JAK3: variants seen among roughly 807,000 people sequenced by gnomAD.
JAK3 encodes the protein tyrosine-protein kinase JAK3.
JAK3 carries 88 observed loss-of-function variants against 120.8 expected under a neutral mutation model. The observed-to-expected ratio is 0.73, with a 90% confidence interval of 0.61 to 0.87. JAK3 has a LOEUF of 0.87. Ranked by LOEUF, JAK3 falls within the 40% of genes least tolerant of loss-of-function variation. JAK3 has a pLI of 0.00. For missense variants in JAK3, 1,254 were observed against 1,501.4 expected, an observed-to-expected ratio of 0.84 and a Z score of 2.72; for synonymous variants, 592 against 628.6, an observed-to-expected ratio of 0.94 and a Z score of 0.87.
chr19:17,841,384 C>CT lies in JAK3; in HGVS notation c.1142+4dup. ...AGAGGCCGGGAATGGGGGACAGGTC[C>CT]TTACGTGATGGGGCCGTGGCACTGC... On this transcript the variant is annotated splice_donor_region_variant and intron_variant, in intron 8 of 23. Transcript: ENST00000458235. The surrounding 1 kb of genome is among the most constrained non-coding windows in gnomAD (Gnocchi z 4.1). 1 of 1,547,744 alleles carries CT rather than the reference C, an allele frequency of 6.5e-7. No individual in the cohort carries two copies. The highest frequency in any genetic ancestry group is 1.2e-5 in the South Asian group (1 of 84,242).
Position 17,831,622 on chromosome 19 carries a change from G to A in JAK3, c.2805+52C>T. ...CACCGCGACCTCCAAGCAGACCCCT[G>A]CCCAGGCCGTGCCAGCTGAATCCCC... On this transcript the variant is annotated intron_variant, in intron 20 of 23. Coordinates refer to ENST00000458235, the MANE Select transcript of JAK3 (RefSeq NM_000215.4). The surrounding 1 kb of genome is among the most constrained non-coding windows in gnomAD (Gnocchi z 5.1). 1.3e-6 allele frequency: 2 copies of A among 1,580,388 alleles called. No individual in the cohort carries two copies. The highest frequency in any genetic ancestry group is 8.6e-7 in the Non-Finnish European group (1 of 1,165,590).
chr19:17,839,520 C>T lies in JAK3; in HGVS notation c.1398G>A (p.Gly466=), dbSNP rs1305387420. The change falls in exon 10 of 24, where the codon GGG becomes GGA. Residue 466 remains glycine, a synonymous_variant. Coordinates refer to ENST00000458235, the MANE Select transcript of JAK3 (RefSeq NM_000215.4). ...AGCAGGAAGTGAGGGTCACTGCCAC[C>T]CCATCTACGTGCAGCCCCCCATCCC... ...TCWDGGLHVD[G]VAVTLTSCCI... is the part of the protein sequence containing the mutation. 6.3e-7 allele frequency: 1 copy of T among 1,599,522 alleles called. No individual in the cohort carries two copies. Among genetic ancestry groups the T allele is most frequent in the Non-Finnish European group, 8.5e-7 (1 of 1,173,120 alleles).
At chr19:17,833,645 G>A (rs553622526) in intron 17 of JAK3, among the ~76,000 whole-genome samples, 5 of 151,438 alleles carry the variant, frequency 3.3e-5, no homozygotes, top group Non-Finnish European at 5.9e-5. Context: ...GAGACCAGGA[G>A]TTCAAGACTA....
chr19:17,833,759 G>A (rs1029741050), intron 17 of JAK3, among the ~76,000 whole-genome samples: 5 of 151,962 alleles, frequency 3.3e-5, no homozygotes, highest in Admixed American at 2.0e-4. Context: ...AGTCTGAGGC[G>A]GGAGAATTGC....
intron 23 of JAK3, chr19:17,829,772 A>AAAG: frequency 3.8e-6 from 1 of 266,220 alleles, no homozygotes. Context: ...AGAAAGAAAG[A>AAAG]AAAAAAAAAA....
At chr19:17,833,348 C>A (rs760556691) in intron 17 of JAK3, among the ~76,000 whole-genome samples, 1 of 152,118 alleles carries the variant, frequency 6.6e-6, no homozygotes, top group Non-Finnish European at 1.5e-5. Context: ...GGGGACCCAA[C>A]GCCTGAGGTG....
intron 10 of JAK3, 117 bp from the exon 11 acceptor site, chr19:17,838,507 C>T: frequency 2.7e-6 from 3 of 1,093,168 alleles, no homozygotes; most frequent in Non-Finnish European, 4.2e-6. Flanking sequence ...GAGATGAAGA[C>T]TTCAGGGCAC....
rs1395901148 is a variant in JAK3, at chr19:17,838,518, A to C, written c.1442-128T>G. 5.9e-6 allele frequency: 6 copies of C among 1,009,020 alleles called. No homozygotes were observed. In the Admixed American group the frequency reaches 1.2e-4, roughly 20 times the overall value. The allele number at this position is 1,009,020 out of a possible 1,614,324, so 62.5% of individuals were successfully genotyped here. A position where few individuals can be genotyped will look rare whatever the true frequency, so the allele number is the denominator to read the frequency against. ...CCCTGAGATGAAGACTTCAGGGCAC[A>C]TGGCTTTTTGTTGTTGTTTTTGTTT... is the stretch of plus-strand genomic sequence containing the variant. On this transcript the variant is annotated intron_variant, in intron 10 of 23. Transcript: ENST00000458235.
intron 1 of JAK3, 58 bp downstream of exon 1, chr19:17,847,888 G>C: frequency 8.9e-4 from 306 of 342,158 alleles, no homozygotes; most frequent in Non-Finnish European, 1.2e-3. Flanking sequence ...GCCATCCCCC[G>C]CCACCACCAT....
rs200172082 is a variant in JAK3 at position 17,826,626 on chromosome 19, G to C, written c.*117C>G. 3 of 1,094,548 alleles carry C rather than the reference G, an allele frequency of 2.7e-6. No homozygotes were observed. Among genetic ancestry groups the C allele is most frequent in the South Asian group, 1.2e-5 (1 of 80,128 alleles). The allele number at this position is 1,094,548 out of a possible 1,614,324, so 67.8% of individuals were successfully genotyped here. A position where few individuals can be genotyped will look rare whatever the true frequency, so the allele number is the denominator to read the frequency against. On this transcript the variant is annotated 3_prime_UTR_variant, in exon 24 of 24. Coordinates refer to ENST00000458235, the MANE Select transcript of JAK3 (RefSeq NM_000215.4). Reference sequence around the variant, plus strand: ...CCCCCCCAAATGCAATGTCATGGGGGTGTTCCTGAAGTAGAGGACCCTCAT... The same window carrying C: ...CCCCCCCAAATGCAATGTCATGGGGCTGTTCCTGAAGTAGAGGACCCTCAT...
chr19:17,829,318 A>G (rs1339513664), intron 23 of JAK3, among the ~76,000 whole-genome samples: 1 of 151,856 alleles, frequency 6.6e-6, no homozygotes, highest in Non-Finnish European at 1.5e-5. Flanking sequence ...GCACCCACAC[A>G]TGGGTAATTT....
At position 17,843,289 on chromosome 19, in the gene JAK3, G is replaced by C; in HGVS notation, c.420+91C>G. On this transcript the variant is annotated intron_variant, in intron 4 of 23. Coordinates refer to ENST00000458235, the MANE Select transcript of JAK3 (RefSeq NM_000215.4). This position sits in a 1 kb window ranked among gnomAD's most constrained non-coding sequence, Gnocchi z 5.4. ...CCACCCCTGGACTGCCACAGGGAGG[G>C]TCAGACGAGGCCCCACCTGATTGCA... is the stretch of plus-strand genomic sequence containing the variant. 6.5e-7 allele frequency: 1 copy of C among 1,528,728 alleles called. No individual in the cohort carries two copies. Among genetic ancestry groups the C allele is most frequent in the Non-Finnish European group, 8.9e-7 (1 of 1,127,000 alleles). 94.7% of individuals were successfully genotyped at this position (1,528,728 alleles called of 1,614,324 possible). A position where few individuals can be genotyped will look rare whatever the true frequency, so the allele number is the denominator to read the frequency against.
At position 17,842,406 on chromosome 19, in the gene JAK3, G is replaced by C. The variant is rs2147697271; in HGVS notation, c.771C>G (p.Gly257=). ...PAGAAETFHV[G]LPGALGGHDG... Reference sequence around the variant, plus strand: ...CGTGGCCACCAAGGGCCCCAGGGAGGCCCACGTGGAAGGTCTCGGCGGCCC... The same window carrying C: ...CGTGGCCACCAAGGGCCCCAGGGAGCCCCACGTGGAAGGTCTCGGCGGCCC... The change falls in exon 6 of 24, where the codon GGC becomes GGG. Residue 257 remains glycine (G), a synonymous_variant. Transcript: ENST00000458235. The surrounding 1 kb of genome is among the most constrained non-coding windows in gnomAD (Gnocchi z 6.4). 1 of 1,585,112 alleles carries C rather than the reference G, an allele frequency of 6.3e-7. No individual in the cohort carries two copies. Among genetic ancestry groups the C allele is most frequent in the East Asian group, 2.3e-5 (1 of 43,514 alleles).
chr19:17,836,972 A>G (rs2094225464), intron 13 of JAK3, 157 bp downstream of exon 13: 2 of 699,594 alleles, frequency 2.9e-6, no homozygotes, highest in Non-Finnish European at 5.2e-6. Flanking sequence ...AGGAGTGATG[A>G]TGGAGAGACA....
rs774157989 is a variant in JAK3, at chr19:17,842,330, G to T, written c.847C>A (p.Gln283Lys). 1.1e-5 allele frequency: 17 copies of T among 1,587,206 alleles called. No homozygotes were observed. The highest frequency in any genetic ancestry group is 1.4e-5 in the Non-Finnish European group (17 of 1,172,610). ...TCCGCCCTCACCTCCTGTTCTCCCT[G>T]GGTCCAGGCGATGCCGCCGTCACCA... ...VAGDGGIAWT[Q>K]GEQEVLQPFC... Residue 283 changes from glutamine to lysine, a missense_variant, in exon 6 of 24, where the codon CAG (glutamine) becomes AAG (lysine). By Grantham distance (53) the Gln-to-Lys change is moderately conservative (BLOSUM62 1). This residue lies in a region of JAK3 where 486 missense variants were observed against 503.0 expected (regional missense o/e 0.97). Coordinates refer to ENST00000458235, the MANE Select transcript of JAK3 (RefSeq NM_000215.4). This position sits in a 1 kb window ranked among gnomAD's most constrained non-coding sequence, Gnocchi z 6.4.
In JAK3 at chr19:17,842,886, G is replaced by C; in HGVS notation, c.566+141C>G. ...TGGAGCCTGGGGGTGGAGAGGGCTG[G>C]GTTCGTGGGAGGCCCTGGGTCATAG... On this transcript the variant is annotated intron_variant, in intron 5 of 23. Coordinates refer to ENST00000458235, the MANE Select transcript of JAK3 (RefSeq NM_000215.4). This position sits in a 1 kb window ranked among gnomAD's most constrained non-coding sequence, Gnocchi z 6.4. The C allele has an allele frequency of 1.7e-6, 2 of 1,179,112 alleles. No individual in the cohort carries two copies. Among genetic ancestry groups the C allele is most frequent in the East Asian group, 2.5e-5 (1 of 39,856 alleles). The allele number at this position is 1,179,112 out of a possible 1,614,324, so 73.0% of individuals were successfully genotyped here.
At chr19:17,827,049 G>A (rs1031606992) in intron 23 of JAK3, 139 bp from the exon 24 acceptor site, 50 of 927,160 alleles carry the variant, frequency 5.4e-5, no homozygotes, top group Middle Eastern at 6.7e-4. Context: ...GCATGATCTC[G>A]GCTCACTGCA....
intron 21 of JAK3, among the ~76,000 whole-genome samples, chr19:17,830,837 C>T (rs1394337140): frequency 2.2e-5 from 2 of 90,180 alleles, no homozygotes; most frequent in Non-Finnish European, 4.3e-5. Flanking sequence ...GCGGGGGCAG[C>T]ACGGAGGGGC....
Position 17,842,544 on chromosome 19 carries a change from C to A in JAK3, c.633G>T (p.Arg211Ser), listed in dbSNP as rs1309664176. 2.5e-6 allele frequency: 4 copies of A among 1,588,522 alleles called. No individual in the cohort carries two copies. The East Asian group carries it at 6.9e-5, about 27-fold the overall frequency. Residue 211 changes from arginine to serine, a missense_variant, in exon 6 of 24, where the codon AGG (arginine) becomes AGT (serine). Physicochemically the swap from Arg to Ser is moderately radical, Grantham distance 110. Transcript: ENST00000458235. The surrounding 1 kb of genome is among the most constrained non-coding windows in gnomAD (Gnocchi z 6.4). The stretch of plus-strand genomic sequence containing the variant: ...CTCTGCGCACCGTCCTCCGAATACG[C>A]CTCCGCGTCACGAAGCTCAGGCCCT... ...LIQGLSFVTR[R>S]RIRRTVRRAL...
Sources: allele counts gnomAD v4.1 joint callset (sites outside exome capture counted in the v4.1 genomes callset), GRCh38; gene constraint gnomAD v4.1.1; regional missense constraint gnomAD v4.1.1; non-coding constraint Gnocchi (gnomAD v3.1); transcripts MANE v1.5; gene names NCBI Gene and HGNC (gene_info 2026-07-23, HGNC 2026-07-21).